Variants in ASH1L observed in about 807,000 individuals in gnomAD.
The protein encoded by ASH1L is ASH1 like histone lysine methyltransferase.
In ASH1L, 23 loss-of-function variants were observed where a neutral mutation model predicts 269.0. The observed-to-expected ratio is 0.09, with a 90% CI of 0.06 to 0.12. ASH1L has a LOEUF of 0.12. Ranked by LOEUF, ASH1L falls within the 10% of genes least tolerant of loss-of-function variation. ASH1L has a pLI of 1.00. For missense variants in ASH1L, 2,912 were observed against 3,567.8 expected, an observed-to-expected ratio of 0.82 and a Z score of 4.68; for synonymous variants, 1,187 against 1,253.5, an observed-to-expected ratio of 0.95 and a Z score of 1.12.
Position 155,390,638 on chromosome 1 carries a change from C to A in ASH1L, c.6103+4821G>T, listed in dbSNP as rs1011647321. ...TCTGTAGTTAATATCATTCTCCCCCCCCCCCCTTTTTTCTTTCTTTTTTTT... is the reference window on the plus strand; with the variant it reads ...TCTGTAGTTAATATCATTCTCCCCCACCCCCCTTTTTTCTTTCTTTTTTTT... On this transcript the variant is annotated intron_variant, in intron 7 of 27. Coordinates refer to ENST00000392403, the MANE Select transcript of ASH1L (RefSeq NM_018489.3). Among the ~76,000 whole-genome samples, 13 of 135,724 alleles carry A rather than the reference C, an allele frequency of 9.6e-5. 1 individual carries two copies. The highest frequency in any genetic ancestry group is 7.3e-4 in the Admixed American group (10 of 13,630). The allele number at this position is 135,724 out of a possible 152,430, so 89.0% of individuals were successfully genotyped here. A position where few individuals can be genotyped will look rare whatever the true frequency, so the allele number is the denominator to read the frequency against.
Position 155,362,652 on chromosome 1 carries a change from G to A in ASH1L, c.6687-2243C>T, listed in dbSNP as rs545468738. 1.3e-3 allele frequency among the ~76,000 whole-genome samples: 192 copies of A among 152,166 alleles called. 1 individual carries two copies. Among genetic ancestry groups the A allele is most frequent in the African/African-American group, 4.4e-3 (184 of 41,520 alleles). On this transcript the variant is annotated intron_variant, in intron 12 of 27. Coordinates refer to ENST00000392403, the MANE Select transcript of ASH1L (RefSeq NM_018489.3). ...GTGGCTTCAAAATCTTAACTACCAT[G>A]CCATACTGATAACAAGTTATATCAT...
At chr1:155,441,274 G>C (rs1473691260) in intron 4 of ASH1L, among the ~76,000 whole-genome samples, 1 of 151,806 alleles carries the variant, frequency 6.6e-6, no homozygotes, top group African/African-American at 2.4e-5. Flanking sequence ...GGTTAGAAAA[G>C]GTCTGTCTCT....
intron 4 of ASH1L, 99 bp from the exon 5 acceptor site, chr1:155,439,167 A>G: frequency 7.9e-7 from 1 of 1,263,366 alleles, no homozygotes; most frequent in Non-Finnish European, 1.1e-6. Context: ...TCTATTTTCC[A>G]TAGCAAGATT....
intron 2 of ASH1L, among the ~76,000 whole-genome samples, chr1:155,497,158 T>G (rs1667206593): frequency 6.6e-6 from 1 of 152,214 alleles, no homozygotes; most frequent in African/African-American, 2.4e-5. Context: ...TGTTTAAAAT[T>G]TTGATTCTTA....
chr1:155,484,796 G>C (rs1416246613), intron 2 of ASH1L, among the ~76,000 whole-genome samples: 2 of 151,428 alleles, frequency 1.3e-5, no homozygotes, highest in Non-Finnish European at 2.9e-5. Flanking sequence ...GGACGTGGTG[G>C]CGGGCGCCTG....
chr1:155,536,936 T>C (rs1670097088), intron 1 of ASH1L, among the ~76,000 whole-genome samples: 1 of 150,810 alleles, frequency 6.6e-6, no homozygotes. Context: ...TCCCAGCTAC[T>C]TGGGAGGCTG....
intron 2 of ASH1L, among the ~76,000 whole-genome samples, chr1:155,490,645 T>C (rs74742187): frequency 0.051 from 3,144 of 61,504 alleles, 107 homozygotes; most frequent in African/African-American, 0.14. Flanking sequence ...CACACACACA[T>C]ACACACACAC....
intron 1 of ASH1L, among the ~76,000 whole-genome samples, chr1:155,532,769 G>A (rs1474135386): frequency 6.6e-6 from 1 of 150,418 alleles, no homozygotes; most frequent in Admixed American, 6.6e-5. Flanking sequence ...GTTGCAGTGA[G>A]CCGAGATTGT....
At chr1:155,349,068 A>G (rs549356588) in intron 19 of ASH1L, among the ~76,000 whole-genome samples, 1 of 152,192 alleles carries the variant, frequency 6.6e-6, no homozygotes. Context: ...ATAAAGGTTT[A>G]ATACTAAATT....
chr1:155,361,058 G>A (rs1654898032), intron 12 of ASH1L, among the ~76,000 whole-genome samples: 1 of 151,966 alleles, frequency 6.6e-6, no homozygotes, highest in Non-Finnish European at 1.5e-5. Context: ...GTGGCCAACA[G>A]GGCAAAACCG....
chr1:155,528,877 G>C (rs1460689030), intron 1 of ASH1L, among the ~76,000 whole-genome samples: 1 of 151,946 alleles, frequency 6.6e-6, no homozygotes, highest in Non-Finnish European at 1.5e-5. Flanking sequence ...ATAAGCCCCA[G>C]TGTGTGTTGT....
Position 155,481,550 on chromosome 1 carries a change from A to G in ASH1L, c.1320T>C (p.Cys440=). 1.2e-6 allele frequency: 2 copies of G among 1,614,194 alleles called. No homozygotes were observed. The highest frequency in any genetic ancestry group is 1.3e-5 in the African/African-American group (1 of 75,066). ...LPTQEPLKAS[C]STNINNQESQ... ...TTTCCTGATTATTGATGTTTGTACTACAAGAAGCCTTAAGCGGTTCCTGAG... is the reference window on the plus strand; with the variant it reads ...TTTCCTGATTATTGATGTTTGTACTGCAAGAAGCCTTAAGCGGTTCCTGAG... The change falls in exon 3 of 28, where the codon TGT becomes TGC. Residue 440 remains cysteine, a synonymous_variant. Coordinates refer to ENST00000392403, the MANE Select transcript of ASH1L (RefSeq NM_018489.3).
At chr1:155,435,521 C>G (rs760597742) in intron 5 of ASH1L, among the ~76,000 whole-genome samples, 4 of 151,666 alleles carry the variant, frequency 2.6e-5, no homozygotes, top group African/African-American at 7.3e-5. Context: ...ACTTTTAAAT[C>G]AGTAAACTAC....
rs967597792 is a variant in ASH1L at position 155,530,152 on chromosome 1, A to C, written c.-99-8534T>G. ...TTGTCTAAACGTAATTTTACAGAAG[A>C]AGCATTTCCTAAAAAAAACACCTAT... On this transcript the variant is annotated intron_variant, in intron 1 of 27. Transcript: ENST00000392403. Among the ~76,000 whole-genome samples, 12 of 152,084 alleles carry C rather than the reference A, an allele frequency of 7.9e-5. 1 individual carries two copies. The highest frequency in any genetic ancestry group is 3.9e-4 in the Admixed American group (6 of 15,260).
At position 155,481,658 on chromosome 1, in the gene ASH1L, A is replaced by G; in HGVS notation, c.1212T>C (p.Ile404=). 6.2e-7 allele frequency: 1 copy of G among 1,614,106 alleles called. No homozygotes were observed. The highest frequency in any genetic ancestry group is 8.5e-7 in the Non-Finnish European group (1 of 1,180,020). ...AAGGACAACTCATTAGTTTCTTTCCAATGTCCTTATTAACCAATCCCATTG... is the reference window on the plus strand; with the variant it reads ...AAGGACAACTCATTAGTTTCTTTCCGATGTCCTTATTAACCAATCCCATTG... ...SSAMGLVNKD[I]GKKLMSCPLA... The change falls in exon 3 of 28, where the codon ATT becomes ATC. Residue 404 remains isoleucine (I), a synonymous_variant. Coordinates refer to ENST00000392403, the MANE Select transcript of ASH1L (RefSeq NM_018489.3).
chr1:155,461,971 TG>T (rs1395202919), intron 3 of ASH1L, among the ~76,000 whole-genome samples: 7 of 152,008 alleles, frequency 4.6e-5, no homozygotes, highest in Admixed American at 3.9e-4. Context: ...GCTAATTTTT[TG>T]TATTTTTAGT....
At chr1:155,540,443 G>A (rs926800145) in intron 1 of ASH1L, among the ~76,000 whole-genome samples, 5 of 152,108 alleles carry the variant, frequency 3.3e-5, no homozygotes, top group Admixed American at 6.6e-5. Context: ...ACTGTTGTGA[G>A]CAGAGCAAGA....
intron 3 of ASH1L, among the ~76,000 whole-genome samples, chr1:155,466,855 T>G (rs1664737518): frequency 6.6e-6 from 1 of 152,206 alleles, no homozygotes; most frequent in Admixed American, 6.5e-5. Context: ...GAGAAATTGT[T>G]TGAGATCAGT....
chr1:155,502,915 G>A (rs1041092244), intron 2 of ASH1L, among the ~76,000 whole-genome samples: 1 of 152,156 alleles, frequency 6.6e-6, no homozygotes, highest in Non-Finnish European at 1.5e-5. Flanking sequence ...AGTATGCTTA[G>A]GAGAATTTCC....
Sources: gnomAD v4.1 joint callset for allele counts (sites outside exome capture counted in the v4.1 genomes callset) on GRCh38, gnomAD v4.1.1 for gene constraint, MANE v1.5 for transcripts, NCBI Gene and HGNC (gene_info 2026-07-23, HGNC 2026-07-21) for gene names.